The following SSH3 variants were observed in gnomAD, a reference collection of about 807,000 sequenced individuals.
SSH3 encodes the protein slingshot protein phosphatase 3.
SSH3 carries 67 observed loss-of-function variants against 75.0 expected under a neutral mutation model. The observed-to-expected ratio is 0.89, with a 90% CI of 0.73 to 1.10. SSH3 has a LOEUF of 1.10. Among genes scored for constraint, SSH3 ranks in the 50% least tolerant of loss-of-function variants. The pLI is 0.00. For missense variants in SSH3, 824 were observed against 872.7 expected (o/e 0.94, Z 0.70); for synonymous variants, 318 against 349.2 (o/e 0.91, Z 1.00).
In SSH3 at chr11:67,304,888, C is replaced by T. The variant is rs1396449749; in HGVS notation, c.220C>T (p.Leu74Phe). Reference protein sequence around the residue: ...PTEKAPSEEELHGDQTDFGQG... With the variant: ...PTEKAPSEEEFHGDQTDFGQG... Reference sequence around the variant, plus strand: ...AGAGAAGGCCCCGAGTGAGGAGGAGCTCCACGGGGACCAGACAGACTTCGG... The same window carrying T: ...AGAGAAGGCCCCGAGTGAGGAGGAGTTCCACGGGGACCAGACAGACTTCGG... The change falls in exon 3 of 14, where the codon CTC (leucine) becomes TTC (phenylalanine). Residue 74 changes from leucine (L) to phenylalanine (F), a missense_variant. Transcript: ENST00000308127. The T allele has an allele frequency of 1.2e-6, 2 of 1,613,752 alleles. No individual in the cohort carries two copies. The highest frequency in any genetic ancestry group is 2.2e-5 in the East Asian group (1 of 44,878).
At position 67,307,944 on chromosome 11, in the gene SSH3, G is replaced by A; in HGVS notation, c.885+5G>A. The A allele has an allele frequency of 1.2e-6, 2 of 1,614,166 alleles. No individual in the cohort carries two copies. Among genetic ancestry groups the A allele is most frequent in the Non-Finnish European group, 1.7e-6 (2 of 1,180,006 alleles). ...GAGAGTGTCACTTCCAAAGAGGTGG[G>A]CAGGGGGCCCGGGGACTGAGTCCCC... On this transcript the variant is annotated splice_donor_5th_base_variant and intron_variant, in intron 8 of 13. Coordinates refer to ENST00000308127, the MANE Select transcript of SSH3 (RefSeq NM_017857.4). The surrounding 1 kb of genome is among the most constrained non-coding windows in gnomAD (Gnocchi z 4.2).
Position 67,306,819 on chromosome 11 carries a change from G to T in SSH3, c.340-19G>T, listed in dbSNP as rs559756862. ...GTCCTTGGGGCCACTGTGACCCTGG[G>T]TTCCTCATCTCCCCCCAGGCAGCCC... is the stretch of plus-strand genomic sequence containing the variant. On this transcript the variant is annotated intron_variant, in intron 3 of 13. Coordinates refer to ENST00000308127, the MANE Select transcript of SSH3 (RefSeq NM_017857.4). 1 of 1,600,804 alleles carries T rather than the reference G, an allele frequency of 6.2e-7. No individual in the cohort carries two copies. Among genetic ancestry groups the T allele is most frequent in the African/African-American group, 1.3e-5 (1 of 74,810 alleles).
At position 67,307,114 on chromosome 11, in the gene SSH3, G is replaced by A. The variant is rs759079618; in HGVS notation, c.536+1G>A. ...CCCAGGTGTACTTAGATGGAGACGG[G>A]TAAGCAATGGCAACTGGAGGTGGGG... On this transcript the variant is annotated splice_donor_variant, in intron 5 of 13. Coordinates refer to ENST00000308127, the MANE Select transcript of SSH3 (RefSeq NM_017857.4). LOFTEE classifies it high-confidence loss of function. The surrounding 1 kb of genome is among the most constrained non-coding windows in gnomAD (Gnocchi z 4.2). The A allele has an allele frequency of 8.7e-6, 14 of 1,613,452 alleles. No homozygotes were observed. Among genetic ancestry groups the A allele is most frequent in the Non-Finnish European group, 5.1e-6 (6 of 1,179,974 alleles).
chr11:67,308,216 C>A lies in SSH3; in HGVS notation c.928C>A (p.Gln310Lys). The change falls in exon 9 of 14, where the codon CAG becomes AAG. Residue 310 changes from glutamine to lysine, a missense_variant. Coordinates refer to ENST00000308127, the MANE Select transcript of SSH3 (RefSeq NM_017857.4). The surrounding 1 kb of genome is among the most constrained non-coding windows in gnomAD (Gnocchi z 4.9). ...LELRLGLPLQ[Q>K]YRDFIDNQML... ...GCTGCGCCTGGGGCTCCCCCTCCAG[C>A]AGTACCGTGACTTCATCGACAACCA... 6.2e-7 allele frequency: 1 copy of A among 1,614,068 alleles called. No homozygotes were observed. The highest frequency in any genetic ancestry group is 1.1e-5 in the South Asian group (1 of 91,090).
chr11:67,308,526 GT>G lies in SSH3; in HGVS notation c.1061+69del. 6.5e-7 allele frequency: 1 copy of G among 1,539,872 alleles called. No homozygotes were observed. The highest frequency in any genetic ancestry group is 2.5e-5 in the East Asian group (1 of 40,692). On this transcript the variant is annotated intron_variant, in intron 10 of 13. Coordinates refer to ENST00000308127, the MANE Select transcript of SSH3 (RefSeq NM_017857.4). The surrounding 1 kb of genome is among the most constrained non-coding windows in gnomAD (Gnocchi z 4.9). ...TCTCCTGGCCTCCCCGCATTGGGTG[GT>G]AGCCAGCTTCAAAAACCCCTGGACC...
At position 67,309,398 on chromosome 11, in the gene SSH3, G is replaced by T. The variant is rs1363710716; in HGVS notation, c.1063G>T (p.Val355Phe). 9.3e-6 allele frequency: 15 copies of T among 1,614,052 alleles called. No individual in the cohort carries two copies. Among genetic ancestry groups the T allele is most frequent in the African/African-American group, 1.3e-5 (1 of 74,928 alleles). ...ANLEELQRNR[V>F]THILNMAREI... ...CTGGCCTTGGGCCCTCTGGGACAGG[G>T]TCACCCACATCTTGAACATGGCCCG... is the stretch of plus-strand genomic sequence containing the variant. Residue 355 changes from valine to phenylalanine, a missense_variant and splice_region_variant, in exon 11 of 14, where the codon GTC (valine) becomes TTC (phenylalanine). Val to Phe is a conservative substitution (Grantham distance 50, BLOSUM62 -1). Transcript: ENST00000308127.
chr11:67,310,534 C>G (rs1243998455), intron 13 of SSH3, among the ~76,000 whole-genome samples, 195 bp downstream of exon 13: 1 of 152,210 alleles, frequency 6.6e-6, no homozygotes, highest in Non-Finnish European at 1.5e-5. Context: ...AGCCCAGTAT[C>G]TCTTAGCACC....
intron 13 of SSH3, 125 bp downstream of exon 13, chr11:67,310,464 C>T (rs1043639876): frequency 3.0e-5 from 39 of 1,280,942 alleles, no homozygotes; most frequent in Middle Eastern, 5.5e-4. Flanking sequence ...AAGTCTGGCC[C>T]GCCCATGCAG....
Position 67,304,166 on chromosome 11 carries a change from C to T in SSH3, c.104+11C>T, listed in dbSNP as rs775162656. 6.3e-6 allele frequency: 10 copies of T among 1,589,398 alleles called. No individual in the cohort carries two copies. In the Admixed American group the frequency reaches 6.7e-5, roughly 11 times the overall value. On this transcript the variant is annotated intron_variant, in intron 2 of 13. Transcript: ENST00000308127. Reference sequence around the variant, plus strand: ...TCGACTCCAGCGAAGGTGAGCGCCACCTCCCCCACGCAGACACTTCCGTCT... The same window carrying T: ...TCGACTCCAGCGAAGGTGAGCGCCATCTCCCCCACGCAGACACTTCCGTCT...
Position 67,307,727 on chromosome 11 carries a change from G to C in SSH3, c.781G>C (p.Glu261Gln). 6.2e-7 allele frequency: 1 copy of C among 1,613,906 alleles called. No individual in the cohort carries two copies. The highest frequency in any genetic ancestry group is 8.5e-7 in the Non-Finnish European group (1 of 1,180,006). ...DLESLRPPSA[E>Q]PGGSSEQEQM... ...GGAGTCTCTGCGGCCTCCCAGCGCC[G>C]AGCCTGGCGGGTCAGTGTGTGGAGG... Residue 261 changes from glutamate to glutamine, a missense_variant, in exon 7 of 14, where the codon GAG becomes CAG. By Grantham distance (29) the Glu-to-Gln change is conservative. Coordinates refer to ENST00000308127, the MANE Select transcript of SSH3 (RefSeq NM_017857.4). The surrounding 1 kb of genome is among the most constrained non-coding windows in gnomAD (Gnocchi z 4.2).
At position 67,303,679 on chromosome 11, in the gene SSH3, C is replaced by T. The variant is rs570940204; in HGVS notation, c.54C>T (p.Pro18=). Residue 18 remains proline (P), a synonymous_variant, in exon 1 of 14, where the codon CCC becomes CCT. Transcript: ENST00000308127. ...RSPPGSGAST[P]VGPWDQAVQR... is the part of the protein sequence containing the mutation. ...CCCCGGGCAGCGGCGCCTCCACGCC[C>T]GTGGGGCCCTGGGTGAGTGTGGTCC... 1.3e-6 allele frequency: 2 copies of T among 1,511,172 alleles called. No individual in the cohort carries two copies. The highest frequency in any genetic ancestry group is 1.4e-5 in the African/African-American group (1 of 69,498). 93.6% of individuals were successfully genotyped at this position (1,511,172 alleles called of 1,614,324 possible). A position where few individuals can be genotyped will look rare whatever the true frequency, so the allele number is the denominator to read the frequency against.
Position 67,310,221 on chromosome 11 carries a change from C to T in SSH3, c.1565C>T (p.Pro522Leu), listed in dbSNP as rs376873839. ...GGCATGGAAGAGAGCCAGGCAGCCC[C>T]GAAAGAAGAGCCTGGGCCACGGCCA... is the stretch of plus-strand genomic sequence containing the variant. ...VVGMEESQAA[P>L]KEEPGPRPRI... The change falls in exon 13 of 14, where the codon CCG becomes CTG. Residue 522 changes from proline to leucine, a missense_variant. Physicochemically the swap from Pro to Leu is moderately conservative, Grantham distance 98. Coordinates refer to ENST00000308127, the MANE Select transcript of SSH3 (RefSeq NM_017857.4). 4.2e-5 allele frequency: 68 copies of T among 1,614,052 alleles called. No individual in the cohort carries two copies. The highest frequency in any genetic ancestry group is 4.0e-5 in the African/African-American group (3 of 74,926).
Position 67,311,553 on chromosome 11 carries a change from A to C in SSH3, c.1684-38A>C. 3 of 1,609,436 alleles carry C rather than the reference A, an allele frequency of 1.9e-6. No individual in the cohort carries two copies. The African/African-American group carries it at 4.0e-5, about 22-fold the overall frequency. ...GTGCTTGGGCACCCCTGCCCCAGAA[A>C]GGCCTCCCATGGCTTCCGTATCCTC... is the stretch of plus-strand genomic sequence containing the variant. On this transcript the variant is annotated intron_variant, in intron 13 of 13. Coordinates refer to ENST00000308127, the MANE Select transcript of SSH3 (RefSeq NM_017857.4).
chr11:67,309,764 A>G lies in SSH3; in HGVS notation c.1209-4A>G, dbSNP rs1017670406. 6.2e-7 allele frequency: 1 copy of G among 1,612,636 alleles called. No homozygotes were observed. ...AGGGTGCTGAACCTGGCCTGCTTCC[A>G]CAGAGCACAGGGCACCCACGTGCTG... On this transcript the variant is annotated splice_polypyrimidine_tract_variant and splice_region_variant and intron_variant, in intron 11 of 13. Transcript: ENST00000308127.
At chr11:67,310,952 G>C (rs1861393560) in intron 13 of SSH3, among the ~76,000 whole-genome samples, 1 of 152,206 alleles carries the variant, frequency 6.6e-6, no homozygotes, top group African/African-American at 2.4e-5. Context: ...CGCCGCCCAA[G>C]TCCTGCCTAA....
rs762839364 is a variant in SSH3 at position 67,306,835 on chromosome 11, C to G, written c.340-3C>G. 17 of 1,608,354 alleles carry G rather than the reference C, an allele frequency of 1.1e-5. No homozygotes were observed. Among genetic ancestry groups the G allele is most frequent in the Non-Finnish European group, 1.4e-5 (17 of 1,176,860 alleles). On this transcript the variant is annotated splice_polypyrimidine_tract_variant and splice_region_variant and intron_variant, in intron 3 of 13. Transcript: ENST00000308127. ...TGACCCTGGGTTCCTCATCTCCCCCCAGGCAGCCCAGCTGGAGGCACCCCG... is the reference window on the plus strand; with the variant it reads ...TGACCCTGGGTTCCTCATCTCCCCCGAGGCAGCCCAGCTGGAGGCACCCCG...
At position 67,307,474 on chromosome 11, in the gene SSH3, C is replaced by T. The variant is rs780953230; in HGVS notation, c.602+38C>T. On this transcript the variant is annotated intron_variant, in intron 6 of 13. Transcript: ENST00000308127. The surrounding 1 kb of genome is among the most constrained non-coding windows in gnomAD (Gnocchi z 4.2). ...ACTGCCTGGACTCAGGCCAGCCTCTCCTTCGAAGGAGGCTGCAGGGCCTGG... is the reference window on the plus strand; with the variant it reads ...ACTGCCTGGACTCAGGCCAGCCTCTTCTTCGAAGGAGGCTGCAGGGCCTGG... 1.2e-6 allele frequency: 2 copies of T among 1,613,764 alleles called. No individual in the cohort carries two copies. Among genetic ancestry groups the T allele is most frequent in the South Asian group, 2.2e-5 (2 of 91,060 alleles).
Position 67,310,328 on chromosome 11 carries a change from G to T in SSH3, c.1672G>T (p.Asp558Tyr), listed in dbSNP as rs760086219. The T allele has an allele frequency of 3.7e-6, 6 of 1,608,988 alleles. No homozygotes were observed. The South Asian group carries it at 6.6e-5, about 18-fold the overall frequency. The change falls in exon 13 of 14, where the codon GAC becomes TAC. Residue 558 changes from aspartate (D) to tyrosine (Y), a missense_variant. Coordinates refer to ENST00000308127, the MANE Select transcript of SSH3 (RefSeq NM_017857.4). Reference protein sequence around the residue: ...LELESTSETSDMPEVFSSHES... With the variant: ...LELESTSETSYMPEVFSSHES... ...GCTGGAGAGCACCTCAGAGACCAGT[G>T]ACATGCCAGAGGTGAGGCTGGGGCT...
rs771911515 is a variant in SSH3 at position 67,307,350 on chromosome 11, C to T, written c.537-21C>T. 3 of 1,613,480 alleles carry T rather than the reference C, an allele frequency of 1.9e-6. No individual in the cohort carries two copies. Among genetic ancestry groups the T allele is most frequent in the African/African-American group, 1.3e-5 (1 of 75,022 alleles). On this transcript the variant is annotated intron_variant, in intron 5 of 13. Coordinates refer to ENST00000308127, the MANE Select transcript of SSH3 (RefSeq NM_017857.4). The surrounding 1 kb of genome is among the most constrained non-coding windows in gnomAD (Gnocchi z 4.2). Reference sequence around the variant, plus strand: ...TCGCAGAGCCTGGAGTCTGGCCTCACCTGTGCCTGGTCTCCTGCAGGGGCT... The same window carrying T: ...TCGCAGAGCCTGGAGTCTGGCCTCATCTGTGCCTGGTCTCCTGCAGGGGCT...
Sources: allele counts gnomAD v4.1 joint callset (sites outside exome capture counted in the v4.1 genomes callset), GRCh38; gene constraint gnomAD v4.1.1; non-coding constraint Gnocchi (gnomAD v3.1); transcripts MANE v1.5; gene names NCBI Gene and HGNC (gene_info 2026-07-23, HGNC 2026-07-21).